Variants in MICAL3 observed in about 807,000 individuals in gnomAD.
The protein encoded by MICAL3 is microtubule associated monooxygenase, calponin and LIM domain containing 3.
In MICAL3, 62 loss-of-function variants were observed where a neutral mutation model predicts 207.4. That is an observed-to-expected ratio of 0.30 (90% CI 0.24 to 0.37). The LOEUF (loss-of-function observed/expected upper bound fraction) is 0.37. MICAL3 is among the 10% of genes least tolerant of loss of function. The pLI is 1.00. For missense variants in MICAL3, 2,368 were observed against 2,635.6 expected, an observed-to-expected ratio of 0.90 and a Z score of 2.22; for synonymous variants, 1,077 against 1,069.3, an observed-to-expected ratio of 1.01 and a Z score of -0.14.
intron 1 of MICAL3, among the ~76,000 whole-genome samples, chr22:17,960,919 G>A (rs1934881650): frequency 6.6e-6 from 1 of 152,164 alleles, no homozygotes; most frequent in Non-Finnish European, 1.5e-5. Context: ...GGGTCATGAG[G>A]TGAGCAGGGC....
chr22:17,998,844 G>A (rs931630966), intron 1 of MICAL3, among the ~76,000 whole-genome samples: 2 of 152,102 alleles, frequency 1.3e-5, no homozygotes, highest in Admixed American at 6.6e-5. Flanking sequence ...GAGCCACCGC[G>A]CCGGGCCCAG....
chr22:17,914,242 G>A (rs1932328026), intron 1 of MICAL3, among the ~76,000 whole-genome samples: 1 of 150,628 alleles, frequency 6.6e-6, no homozygotes, highest in African/African-American at 2.4e-5. Context: ...CACTCCATCT[G>A]TTCTAGAAAG....
intron 12 of MICAL3, among the ~76,000 whole-genome samples, 160 bp from the exon 13 acceptor site, chr22:17,889,390 G>A (rs1311026099): frequency 1.3e-5 from 2 of 150,384 alleles, no homozygotes; most frequent in Non-Finnish European, 3.0e-5. Flanking sequence ...CTCACCTCTT[G>A]TTCTTTTTCT....
At chr22:17,960,880 G>GA (rs1934879359) in intron 1 of MICAL3, among the ~76,000 whole-genome samples, 1 of 152,198 alleles carries the variant, frequency 6.6e-6, no homozygotes, top group South Asian at 2.1e-4. Context: ...TCCAGGCATG[G>GA]AAAGAGCACG....
intron 29 of MICAL3, chr22:17,791,519 C>T (rs1422613877): frequency 6.9e-6 from 4 of 579,554 alleles, no homozygotes; most frequent in South Asian, 2.0e-5. Flanking sequence ...TTCACCCCGT[C>T]AGCGACCTCG....
At chr22:17,803,167 G>A (rs900869118) in intron 29 of MICAL3, among the ~76,000 whole-genome samples, 5 of 152,106 alleles carry the variant, frequency 3.3e-5, no homozygotes, top group African/African-American at 1.2e-4. Flanking sequence ...CTGGTCCAGG[G>A]ACCACACTTT....
intron 1 of MICAL3, among the ~76,000 whole-genome samples, chr22:18,011,245 C>T (rs1923699391): frequency 6.6e-6 from 1 of 152,222 alleles, no homozygotes; most frequent in South Asian, 2.1e-4. Context: ...TGTTCCCAGC[C>T]TTATCAAGAA....
intron 16 of MICAL3, among the ~76,000 whole-genome samples, chr22:17,876,194 G>T (rs1928317520): frequency 6.6e-6 from 1 of 152,102 alleles, no homozygotes; most frequent in South Asian, 2.1e-4. Flanking sequence ...TAACAAAACT[G>T]GGCAAGGGTC....
intron 1 of MICAL3, among the ~76,000 whole-genome samples, chr22:18,013,623 T>C (rs1383608796): frequency 6.6e-6 from 1 of 152,180 alleles, no homozygotes; most frequent in Non-Finnish European, 1.5e-5. Flanking sequence ...TGAGGGTGGA[T>C]GGAGGTGACG....
chr22:17,976,561 G>GTATATATATATA, intron 1 of MICAL3, among the ~76,000 whole-genome samples: 1 of 80,064 alleles, frequency 1.2e-5, no homozygotes, highest in South Asian at 4.1e-4. Context: ...GTGTGTGTGT[G>GTATATATATATA]TATATATATA....
At chr22:17,973,243 C>T (rs376577181) in intron 1 of MICAL3, among the ~76,000 whole-genome samples, 76 of 152,348 alleles carry the variant, frequency 5.0e-4, no homozygotes, top group Middle Eastern at 6.8e-3. Context: ...CTTGCCAAGC[C>T]TCACCATGGG....
intron 1 of MICAL3, among the ~76,000 whole-genome samples, chr22:17,977,678 T>C (rs568922748): frequency 6.2e-4 from 95 of 152,038 alleles, no homozygotes; most frequent in African/African-American, 2.2e-3. Context: ...AAACATAGAG[T>C]TACCATATGA....
chr22:17,817,263 C>A, intron 26 of MICAL3, 48 bp downstream of exon 26: 1 of 1,520,856 alleles, frequency 6.6e-7, no homozygotes. Flanking sequence ...CCAGCCCCTC[C>A]CGCACCCCTC....
intron 1 of MICAL3, among the ~76,000 whole-genome samples, chr22:17,934,524 A>C (rs573079357): frequency 6.6e-6 from 1 of 152,358 alleles, no homozygotes; most frequent in South Asian, 2.1e-4. Context: ...AAAAACTGGA[A>C]GCATTCCCTT....
intron 25 of MICAL3, among the ~76,000 whole-genome samples, chr22:17,820,955 A>C (rs945281017): frequency 7.0e-6 from 1 of 142,188 alleles, no homozygotes; most frequent in Admixed American, 6.9e-5. Context: ...TATAAACATA[A>C]ATTTTAATAA....
rs552918090 is a variant in MICAL3, at chr22:17,817,817, C to G, written c.4844G>C (p.Arg1615Thr). 1.8e-5 allele frequency: 29 copies of G among 1,610,294 alleles called. No homozygotes were observed. The highest frequency in any genetic ancestry group is 2.5e-5 in the Non-Finnish European group (29 of 1,178,602). The change falls in exon 26 of 32, where the codon AGG becomes ACG. Residue 1615 changes from arginine to threonine, a missense_variant. Coordinates refer to ENST00000441493, the MANE Select transcript of MICAL3 (RefSeq NM_015241.3). ...KSQALRDAMA[R>T]QLSRMQQMEL... is the part of the protein sequence containing the mutation. ...CATCTGCTGCATCCTGCTCAGCTGCCTGGCCATGGCGTCCCGCAGCGCCTG... is the reference window on the plus strand; with the variant it reads ...CATCTGCTGCATCCTGCTCAGCTGCGTGGCCATGGCGTCCCGCAGCGCCTG...
At chr22:17,872,797 G>T in intron 16 of MICAL3, 1 of 1,613,788 alleles carries the variant, frequency 6.2e-7, no homozygotes. Flanking sequence ...CTTTGAAGCT[G>T]ATTGGCTATC....
intron 10 of MICAL3, among the ~76,000 whole-genome samples, chr22:17,894,244 T>G (rs1001640911): frequency 1.3e-5 from 2 of 151,814 alleles, no homozygotes; most frequent in African/African-American, 4.8e-5. Flanking sequence ...AGGCCTCGTC[T>G]CTACAAAAAA....
rs928469335 is a variant in MICAL3, at chr22:17,967,017, C to G, written c.-75+57264G>C. Among the ~76,000 whole-genome samples, 3 of 152,170 alleles carry G rather than the reference C, an allele frequency of 2.0e-5. No individual in the cohort carries two copies. The South Asian group carries it at 6.2e-4, about 32-fold the overall frequency. On this transcript the variant is annotated intron_variant, in intron 1 of 31. Transcript: ENST00000441493. The stretch of plus-strand genomic sequence containing the variant: ...CAAATCTGTAAGTACTTCCTGGGCA[C>G]CCATGTGTGCACACACTCCATGGGA...
Sources: allele counts gnomAD v4.1 joint callset (sites outside exome capture counted in the v4.1 genomes callset), GRCh38; gene constraint gnomAD v4.1.1; transcripts MANE v1.5; gene names NCBI Gene and HGNC (gene_info 2026-07-23, HGNC 2026-07-21).